Variants in HIKESHI observed in about 807,000 individuals in gnomAD.
HIKESHI encodes the protein protein Hikeshi.
Under a neutral mutation model 25.7 loss-of-function variants are expected in HIKESHI, and 13 were observed. The observed-to-expected ratio is 0.51, with a 90% CI of 0.33 to 0.80. The LOEUF is 0.80. Ranked by LOEUF, HIKESHI falls within the 30% of genes least tolerant of loss-of-function variation. The probability of loss-of-function intolerance (pLI) is 0.02; values close to 1 mark genes in which losing one functional copy is unlikely to be tolerated. For synonymous variants in HIKESHI, 76 were observed against 78.7 expected (o/e 0.97, Z 0.18); for missense variants, 174 against 229.5 (o/e 0.76, Z 1.56).
chr11:86,328,810 T>A (rs1947348313), intron 2 of HIKESHI, among the ~76,000 whole-genome samples: 1 of 151,814 alleles, frequency 6.6e-6, no homozygotes, highest in East Asian at 1.9e-4. Flanking sequence ...CTCCTGGTCT[T>A]GAGTAATCCA....
At chr11:86,315,071 A>G (rs981828088) in intron 2 of HIKESHI, among the ~76,000 whole-genome samples, 85 of 152,358 alleles carry the variant, frequency 5.6e-4, no homozygotes, top group African/African-American at 2.0e-3. Flanking sequence ...TGTCTCTTAA[A>G]TCATTTTTTA....
intron 3 of HIKESHI, 182 bp from the exon 4 acceptor site, chr11:86,344,421 G>T: frequency 2.2e-6 from 1 of 445,050 alleles, no homozygotes. Flanking sequence ...TCCTGCCTCA[G>T]CCTCCCAAAG....
chr11:86,333,931 T>C (rs1376177071), intron 2 of HIKESHI, among the ~76,000 whole-genome samples: 4 of 151,472 alleles, frequency 2.6e-5, no homozygotes, highest in African/African-American at 7.3e-5. Flanking sequence ...TCAGGTATTA[T>C]ATTATGGCAA....
chr11:86,319,243 T>TATATATATA (rs1491256643), intron 2 of HIKESHI, among the ~76,000 whole-genome samples: 12 of 36,524 alleles, frequency 3.3e-4, no homozygotes, highest in African/African-American at 1.3e-3. Context: ...TATATATATA[T>TATATATATA]TTTTTTTTTT....
At chr11:86,345,410 CTA>C (rs1187625231) in intron 4 of HIKESHI, 172 bp from the exon 5 acceptor site, 1 of 491,768 alleles carries the variant, frequency 2.0e-6, no homozygotes, top group East Asian at 3.6e-5. Flanking sequence ...ATTTAAATTC[CTA>C]TGCTTGCTGT....
intron 2 of HIKESHI, among the ~76,000 whole-genome samples, chr11:86,317,233 C>G (rs1947011271): frequency 1.3e-5 from 2 of 152,090 alleles, no homozygotes; most frequent in South Asian, 4.1e-4. Flanking sequence ...AGATAATTTA[C>G]TAGGAAGACT....
intron 2 of HIKESHI, among the ~76,000 whole-genome samples, chr11:86,324,939 G>T (rs1947235434): frequency 6.6e-6 from 1 of 152,148 alleles, no homozygotes; most frequent in Admixed American, 6.6e-5. Flanking sequence ...AGCACTTCGG[G>T]AGGTTGAGGT....
intron 2 of HIKESHI, among the ~76,000 whole-genome samples, chr11:86,318,674 T>A (rs72966037): frequency 0.23 from 34,925 of 152,018 alleles, 4,975 homozygotes; most frequent in Non-Finnish European, 0.31. Context: ...ACTAGAAAAT[T>A]CAAGCATATA....
In HIKESHI at chr11:86,306,411, T is replaced by G; in HGVS notation, c.197T>G (p.Val66Gly). 1 of 1,614,060 alleles carries G rather than the reference T, an allele frequency of 6.2e-7. No homozygotes were observed. The highest frequency in any genetic ancestry group is 8.5e-7 in the Non-Finnish European group (1 of 1,179,916). The change falls in exon 2 of 5, where the codon GTA becomes GGA. Residue 66 changes from valine to glycine, a missense_variant. Transcript: ENST00000278483. ...TATCCTGATTCAAATGGAATGCCAGTATGGCAACTCCTAGGATTTGTCACG... is the reference window on the plus strand; with the variant it reads ...TATCCTGATTCAAATGGAATGCCAGGATGGCAACTCCTAGGATTTGTCACG... ...FSYPDSNGMPVWQLLGFVTNG... is the reference protein window; with the variant it reads ...FSYPDSNGMPGWQLLGFVTNG...
intron 1 of HIKESHI, 44 bp downstream of exon 1, chr11:86,302,522 G>C (rs999006049): frequency 2.5e-5 from 38 of 1,545,970 alleles, no homozygotes; most frequent in Admixed American, 3.9e-5. Context: ...TCAGGATACC[G>C]AGGGCGAAGC....
chr11:86,334,274 A>G (rs1661562785), intron 2 of HIKESHI, among the ~76,000 whole-genome samples: 1 of 122,220 alleles, frequency 8.2e-6, no homozygotes, highest in Admixed American at 9.1e-5. Flanking sequence ...GTGTGTGTGT[A>G]AAGTTTCCAT....
intron 2 of HIKESHI, among the ~76,000 whole-genome samples, chr11:86,330,846 A>C (rs1203668709): frequency 6.6e-6 from 1 of 152,192 alleles, no homozygotes; most frequent in Non-Finnish European, 1.5e-5. Context: ...TGCATGAGAA[A>C]ACTTGATAGT....
intron 2 of HIKESHI, 92 bp downstream of exon 2, chr11:86,306,574 G>C (rs1188263923): frequency 6.9e-6 from 5 of 724,374 alleles, no homozygotes; most frequent in Non-Finnish European, 1.1e-5. Context: ...CCTTTAGATT[G>C]TGTTTTTCTG....
Position 86,306,392 on chromosome 11 carries a change from G to A in HIKESHI, c.178G>A (p.Asp60Asn), listed in dbSNP as rs1946624700. The A allele has an allele frequency of 6.2e-7, 1 of 1,613,868 alleles. No individual in the cohort carries two copies. The highest frequency in any genetic ancestry group is 1.7e-5 in the Admixed American group (1 of 59,994). The part of the protein sequence containing the change: ...MGGSVYFSYP[D>N]SNGMPVWQLL... The stretch of plus-strand genomic sequence containing the variant: ...AGGATCTGTCTACTTTTCTTATCCT[G>A]ATTCAAATGGAATGCCAGTATGGCA... The change falls in exon 2 of 5, where the codon GAT becomes AAT. Residue 60 changes from aspartate to asparagine, a missense_variant. Asp to Asn is a conservative substitution (Grantham distance 23). Coordinates refer to ENST00000278483, the MANE Select transcript of HIKESHI (RefSeq NM_016401.4).
At position 86,307,968 on chromosome 11, in the gene HIKESHI, T is replaced by TTATTATGTGTA. The variant is rs1946703595; in HGVS notation, c.268+1486_268+1487insTATTATGTGTA. ...TATGTGTAATATATATTATATAAAA[T>TTATTATGTGTA]ATATATGTGTAATATATATTATATA... On this transcript the variant is annotated intron_variant, in intron 2 of 4. Coordinates refer to ENST00000278483, the MANE Select transcript of HIKESHI (RefSeq NM_016401.4). Among the ~76,000 whole-genome samples, 3 of 55,270 alleles carry TTATTATGTGTA rather than the reference T, an allele frequency of 5.4e-5. 1 individual carries two copies. The East Asian group carries it at 2.4e-3, about 44-fold the overall frequency. The allele number at this position is 55,270 out of a possible 152,430, so 36.3% of individuals were successfully genotyped here.
chr11:86,315,696 A>C (rs1946959016), intron 2 of HIKESHI, among the ~76,000 whole-genome samples: 1 of 62,872 alleles, frequency 1.6e-5, no homozygotes, highest in Non-Finnish European at 3.1e-5. Flanking sequence ...ACCATTAGCG[A>C]AAGAACTACT....
intron 2 of HIKESHI, among the ~76,000 whole-genome samples, chr11:86,334,601 A>G (rs1231221567): frequency 2.6e-5 from 4 of 152,192 alleles, no homozygotes; most frequent in Non-Finnish European, 5.9e-5. Flanking sequence ...TTTGATAATG[A>G]TATGTTTTCT....
chr11:86,311,369 T>G (rs1197236178), intron 2 of HIKESHI, among the ~76,000 whole-genome samples: 3 of 152,252 alleles, frequency 2.0e-5, no homozygotes, highest in Non-Finnish European at 4.4e-5. Context: ...TAGTATTCTT[T>G]GATGGTAGTT....
intron 2 of HIKESHI, among the ~76,000 whole-genome samples, chr11:86,329,757 ATCTCCAG>A (rs1947374633): frequency 6.6e-6 from 1 of 152,034 alleles, no homozygotes. Context: ...AATGTCTTTT[ATCTCCAG>A]TAATAATACT....
Sources: gnomAD v4.1 joint callset for allele counts (sites outside exome capture counted in the v4.1 genomes callset) on GRCh38, gnomAD v4.1.1 for gene constraint, MANE v1.5 for transcripts, NCBI Gene and HGNC (gene_info 2026-07-23, HGNC 2026-07-21) for gene names.